SERPINB13: variants seen among roughly 807,000 people sequenced by gnomAD.
The protein encoded by SERPINB13 is serpin family B member 13.
Under a neutral mutation model 31.2 loss-of-function variants are expected in SERPINB13, and 26 were observed. The observed-to-expected ratio is 0.83, with a 90% CI of 0.61 to 1.15. The LOEUF is 1.15. Among genes scored for constraint, SERPINB13 ranks in the 50% most tolerant of loss-of-function variants. SERPINB13 has a pLI of 0.00. For synonymous variants in SERPINB13, 191 were observed against 172.4 expected (o/e 1.11, Z -0.85); for missense variants, 510 against 469.4 (o/e 1.09, Z -0.80).
At chr18:63,587,914 G>T (rs1217314848) in intron 1 of SERPINB13, among the ~76,000 whole-genome samples, 2 of 152,076 alleles carry the variant, frequency 1.3e-5, no homozygotes, top group African/African-American at 4.8e-5. Context: ...AACTATTTTT[G>T]TGAAATGACA....
chr18:63,595,121 A>G lies in SERPINB13; in HGVS notation c.708A>G (p.Pro236=), dbSNP rs371518915. 32 of 1,614,020 alleles carry G rather than the reference A, an allele frequency of 2.0e-5. No homozygotes were observed. The highest frequency in any genetic ancestry group is 2.6e-5 in the Non-Finnish European group (31 of 1,180,008). ...EDLQAKILGI[P]YKNNDLSMFV... is the part of the protein sequence containing the mutation. ...TGCAGGCCAAAATTCTAGGGATTCCATATAAAAACAACGACCTAAGCATGT... is the reference window on the plus strand; with the variant it reads ...TGCAGGCCAAAATTCTAGGGATTCCGTATAAAAACAACGACCTAAGCATGT... The change falls in exon 7 of 8, where the codon CCA becomes CCG. Residue 236 remains proline (P), a synonymous_variant. Transcript: ENST00000344731.
At position 63,589,722 on chromosome 18, in the gene SERPINB13, A is replaced by G; in HGVS notation, c.225+7A>G. The G allele has an allele frequency of 2.5e-6, 4 of 1,613,726 alleles. No individual in the cohort carries two copies. The highest frequency in any genetic ancestry group is 3.4e-6 in the Non-Finnish European group (4 of 1,179,618). ...GGCTGAAGAAAAAGAGGTGGTAAGA[A>G]TAAAGGCTGAAGGAAAAGAGGTGGG... On this transcript the variant is annotated splice_region_variant and intron_variant, in intron 3 of 7. Coordinates refer to ENST00000344731, the MANE Select transcript of SERPINB13 (RefSeq NM_012397.4).
At chr18:63,595,743 C>T (rs1374521817) in intron 7 of SERPINB13, among the ~76,000 whole-genome samples, 1 of 151,818 alleles carries the variant, frequency 6.6e-6, no homozygotes, top group Non-Finnish European at 1.5e-5. Flanking sequence ...ACTAAAAATA[C>T]AAAAAATTAG....
rs757483218 is a variant in SERPINB13, at chr18:63,594,447, A to G, written c.565A>G (p.Arg189Gly). Residue 189 changes from arginine to glycine, a missense_variant, in exon 6 of 8, where the codon AGG becomes GGG. Transcript: ENST00000344731. ...GGTTTATTTTAAAGGGCAATGGGAC[A>G]GGGAGTTTAAGAAAGAAAATACTAA... ...NMVYFKGQWD[R>G]EFKKENTKEE... 2 of 1,614,204 alleles carry G rather than the reference A, an allele frequency of 1.2e-6. No individual in the cohort carries two copies. The highest frequency in any genetic ancestry group is 1.3e-5 in the African/African-American group (1 of 75,068).
rs1911736308 is a variant in SERPINB13 at position 63,589,696 on chromosome 18, AG to A, written c.208del (p.Ala70LeufsTer6). The A allele has an allele frequency of 6.2e-7, 1 of 1,613,426 alleles. No homozygotes were observed. The highest frequency in any genetic ancestry group is 1.3e-5 in the African/African-American group (1 of 75,018). ...SEKETKSSRI[K>X]AEEKEVIENT... ...AAAGAGACGAAGAGCTCAAGAATAA[AG>A]GCTGAAGAAAAAGAGGTGGTAAGAA... On this transcript the variant is annotated frameshift_variant, in exon 3 of 8. Transcript: ENST00000344731. LOFTEE classifies it high-confidence loss of function.
chr18:63,594,399 A>G lies in SERPINB13; in HGVS notation c.517A>G (p.Thr173Ala). ...CCCAGATGGCTCTATTAGTAGCTCT[A>G]CCAAGCTGGTGCTGGTGAACATGGT... ...LFPDGSISSS[T>A]KLVLVNMVYF... Residue 173 changes from threonine to alanine, a missense_variant, in exon 6 of 8, where the codon ACC (threonine) becomes GCC (alanine). By Grantham distance (58) the Thr-to-Ala change is moderately conservative. Coordinates refer to ENST00000344731, the MANE Select transcript of SERPINB13 (RefSeq NM_012397.4). The G allele has an allele frequency of 3.1e-6, 5 of 1,614,200 alleles. No individual in the cohort carries two copies. Among genetic ancestry groups the G allele is most frequent in the Non-Finnish European group, 4.2e-6 (5 of 1,180,020 alleles).
At position 63,595,037 on chromosome 18, in the gene SERPINB13, TA is replaced by T; in HGVS notation, c.627del (p.Lys209AsnfsTer5). 6.2e-6 allele frequency: 10 copies of T among 1,609,458 alleles called. No individual in the cohort carries two copies. The highest frequency in any genetic ancestry group is 8.5e-6 in the Non-Finnish European group (10 of 1,178,626). On this transcript the variant is annotated frameshift_variant, in exon 7 of 8. Coordinates refer to ENST00000344731, the MANE Select transcript of SERPINB13 (RefSeq NM_012397.4). LOFTEE classifies it high-confidence loss of function. ...CTGTTAATTTGTTGCAGAGCACAAG[TA>T]AATCTGTACAGATGATGACACAGAG... ...EKFWMNKSTS[K>X]SVQMMTQSHS...
intron 2 of SERPINB13, among the ~76,000 whole-genome samples, chr18:63,589,102 T>C (rs1367827153): frequency 6.6e-6 from 1 of 152,114 alleles, no homozygotes; most frequent in Non-Finnish European, 1.5e-5. Context: ...ATGGAAAAAG[T>C]GACATAATCC....
At chr18:63,589,510 C>G in intron 2 of SERPINB13, 146 bp from the exon 3 acceptor site, 1 of 979,780 alleles carries the variant, frequency 1.0e-6, no homozygotes, top group Non-Finnish European at 1.5e-6. Context: ...GAGGTAAACG[C>G]AGACCTTTTT....
rs146759492 is a variant in SERPINB13, at chr18:63,588,748, C to G, written c.81C>G (p.Ile27Met). Residue 27 changes from isoleucine (I) to methionine (M), a missense_variant, in exon 2 of 8, where the codon ATC becomes ATG. Transcript: ENST00000344731. ...TGAAGAAAACAAATGATGGCAACAT[C>G]TTCTTTTCCCCTGTGGGCATCTTGA... Reference protein sequence around the residue: ...KELKKTNDGNIFFSPVGILTA... With the variant: ...KELKKTNDGNMFFSPVGILTA... 1.6e-4 allele frequency: 264 copies of G among 1,614,178 alleles called. 1 individual carries two copies. The highest frequency in any genetic ancestry group is 2.1e-4 in the Non-Finnish European group (248 of 1,180,024).
At position 63,595,169 on chromosome 18, in the gene SERPINB13, C is replaced by T. The variant is rs371695953; in HGVS notation, c.756C>T (p.Ile252=). ...LSMFVLLPND[I]DGLEKIIDKI... ...TGTTTGTGCTTCTGCCCAACGACATCGATGGCCTGGAGAAGGTAAACGCTT... is the reference window on the plus strand; with the variant it reads ...TGTTTGTGCTTCTGCCCAACGACATTGATGGCCTGGAGAAGGTAAACGCTT... The change falls in exon 7 of 8, where the codon ATC becomes ATT. Residue 252 remains isoleucine (I), a synonymous_variant. Transcript: ENST00000344731. 1.3e-4 allele frequency: 205 copies of T among 1,612,660 alleles called. No individual in the cohort carries two copies. The highest frequency in any genetic ancestry group is 1.6e-4 in the Non-Finnish European group (189 of 1,179,568).
At chr18:63,591,396 C>T (rs781667910) in intron 3 of SERPINB13, among the ~76,000 whole-genome samples, 1 of 120,562 alleles carries the variant, frequency 8.3e-6, no homozygotes, top group Non-Finnish European at 2.0e-5. Context: ...TCCCTCCTTC[C>T]TTCCTTTTTT....
Position 63,597,027 on chromosome 18 carries a change from G to A in SERPINB13, c.840G>A (p.Lys280=). 2 of 1,614,156 alleles carry A rather than the reference G, an allele frequency of 1.2e-6. No individual in the cohort carries two copies. The highest frequency in any genetic ancestry group is 1.7e-6 in the Non-Finnish European group (2 of 1,179,990). ...WTSPGHMEER[K]VNLHLPRFEV... Reference sequence around the variant, plus strand: ...GTCCAGGGCATATGGAAGAAAGAAAGGTGAATCTGCACTTGCCCCGGTTTG... The same window carrying A: ...GTCCAGGGCATATGGAAGAAAGAAAAGTGAATCTGCACTTGCCCCGGTTTG... The change falls in exon 8 of 8, where the codon AAG becomes AAA. Residue 280 remains lysine, a synonymous_variant. Transcript: ENST00000344731.
At chr18:63,593,627 C>A (rs1434729840) in intron 5 of SERPINB13, among the ~76,000 whole-genome samples, 4 of 152,104 alleles carry the variant, frequency 2.6e-5, no homozygotes, top group Admixed American at 6.6e-5. Context: ...CCTTGGGGAG[C>A]AATAGCTGAT....
chr18:63,597,239 T>A lies in SERPINB13; in HGVS notation c.1052T>A (p.Ile351Lys), dbSNP rs768924549. The change falls in exon 8 of 8, where the codon ATA (isoleucine) becomes AAA (lysine). Residue 351 changes from isoleucine (I) to lysine (K), a missense_variant. Coordinates refer to ENST00000344731, the MANE Select transcript of SERPINB13 (RefSeq NM_012397.4). ...EGTEAAAATG[I>K]GFTVTSAPGH... The stretch of plus-strand genomic sequence containing the variant: ...ACCGAGGCTGCAGCTGCCACCGGCA[T>A]AGGCTTTACTGTCACATCCGCCCCA... 6.2e-7 allele frequency: 1 copy of A among 1,614,232 alleles called. No homozygotes were observed. Among genetic ancestry groups the A allele is most frequent in the Non-Finnish European group, 8.5e-7 (1 of 1,180,044 alleles).
intron 3 of SERPINB13, chr18:63,589,923 A>G (rs1911752907): frequency 1.9e-6 from 2 of 1,033,358 alleles, no homozygotes; most frequent in African/African-American, 3.2e-5. Flanking sequence ...AATATTGAGA[A>G]GAGACCTTAG....
At chr18:63,590,217 T>C (rs1911773055) in intron 3 of SERPINB13, among the ~76,000 whole-genome samples, 2 of 152,190 alleles carry the variant, frequency 1.3e-5, no homozygotes, top group South Asian at 4.1e-4. Context: ...GCTGATGTTG[T>C]ATTTAAAAAA....
intron 4 of SERPINB13, 114 bp downstream of exon 4, chr18:63,592,590 G>T: frequency 9.2e-7 from 1 of 1,087,828 alleles, no homozygotes; most frequent in South Asian, 1.6e-5. Flanking sequence ...CATCCCTGTG[G>T]TGCTTTTCCA....
chr18:63,598,728 A>C lies in SERPINB13; in HGVS notation c.*1365A>C, dbSNP rs1325337472. ...TAATGTTGCTCTGAACATGTAAATAAAGATCTTTGTGTTCACATATGTTTT... is the reference window on the plus strand; with the variant it reads ...TAATGTTGCTCTGAACATGTAAATACAGATCTTTGTGTTCACATATGTTTT... On this transcript the variant is annotated 3_prime_UTR_variant, in exon 8 of 8. Transcript: ENST00000344731. 1.3e-5 allele frequency: 2 copies of C among 152,226 alleles called. No homozygotes were observed. The highest frequency in any genetic ancestry group is 4.8e-5 in the African/African-American group (2 of 41,466). 9.4% of individuals were successfully genotyped at this position (152,226 alleles called of 1,614,324 possible).
Sources: allele counts gnomAD v4.1 joint callset (sites outside exome capture counted in the v4.1 genomes callset), GRCh38; gene constraint gnomAD v4.1.1; transcripts MANE v1.5; gene names NCBI Gene and HGNC (gene_info 2026-07-23, HGNC 2026-07-21).